Variants in PPM1L observed in about 807,000 individuals in gnomAD.
PPM1L encodes protein phosphatase, Mg2+/Mn2+ dependent 1L.
Under a neutral mutation model 31.4 loss-of-function variants are expected in PPM1L, and 13 were observed. That is an observed-to-expected ratio of 0.41 (90% confidence interval 0.27 to 0.66). PPM1L has a LOEUF of 0.66. Among genes scored for constraint, PPM1L ranks in the 30% least tolerant of loss-of-function variants. The pLI, the probability that PPM1L is intolerant of heterozygous loss-of-function variation, is 0.29. For missense variants in PPM1L, 326 were observed against 453.7 expected (o/e 0.72, Z 2.56); for synonymous variants, 184 against 175.4 (o/e 1.05, Z -0.39).
chr3:160,925,279 G>A (rs1461613043), intron 1 of PPM1L, among the ~76,000 whole-genome samples: 1 of 152,094 alleles, frequency 6.6e-6, no homozygotes, highest in Non-Finnish European at 1.5e-5. Flanking sequence ...TCTCATTCCA[G>A]TTTATACTGC....
intron 1 of PPM1L, among the ~76,000 whole-genome samples, chr3:160,829,925 C>T (rs1483346728): frequency 6.6e-6 from 1 of 152,182 alleles, no homozygotes; most frequent in Non-Finnish European, 1.5e-5. Context: ...GTCCTTCACA[C>T]ATGCTGCACC....
At chr3:160,803,264 C>G (rs1276074635) in intron 1 of PPM1L, among the ~76,000 whole-genome samples, 1 of 152,236 alleles carries the variant, frequency 6.6e-6, no homozygotes, top group African/African-American at 2.4e-5. Context: ...CTAATCTTCT[C>G]TCTTTGACAG....
intron 2 of PPM1L, among the ~76,000 whole-genome samples, chr3:160,986,765 C>G (rs1042487678): frequency 4.6e-5 from 7 of 152,158 alleles, no homozygotes; most frequent in Admixed American, 4.6e-4. Flanking sequence ...TTAATTCATA[C>G]TTCAGAGTCT....
At chr3:160,844,870 GC>G (rs1413568972) in intron 1 of PPM1L, among the ~76,000 whole-genome samples, 1 of 152,014 alleles carries the variant, frequency 6.6e-6, no homozygotes, top group East Asian at 1.9e-4. Context: ...CCAAGCAGAA[GC>G]TTTGTACCCA....
chr3:160,843,469 T>TATATA (rs1713970089), intron 1 of PPM1L, among the ~76,000 whole-genome samples: 32 of 133,808 alleles, frequency 2.4e-4, no homozygotes, highest in Admixed American at 3.8e-4. Flanking sequence ...TATATATATA[T>TATATA]GTTTTTTTTA....
chr3:160,901,087 C>G lies in PPM1L; in HGVS notation c.400-60649C>G, dbSNP rs141226554. Among the ~76,000 whole-genome samples the G allele has an allele frequency of 2.5e-3, 381 of 152,254 alleles. 1 individual carries two copies. Among genetic ancestry groups the G allele is most frequent in the African/African-American group, 8.9e-3 (368 of 41,530 alleles). On this transcript the variant is annotated intron_variant, in intron 1 of 3. Coordinates refer to ENST00000498165, the MANE Select transcript of PPM1L (RefSeq NM_139245.4). The stretch of plus-strand genomic sequence containing the variant: ...ATCCCAGGGCTCGTTCCTCAACTCT[C>G]TTTTCTTCTGTTTACTTGTGTTCTC...
chr3:161,008,564 G>A (rs977226561), intron 2 of PPM1L, among the ~76,000 whole-genome samples: 2 of 152,130 alleles, frequency 1.3e-5, no homozygotes, highest in Admixed American at 6.5e-5. Flanking sequence ...AGCCTTCAGA[G>A]GGCAAAGAAG....
chr3:160,783,059 A>T (rs1450058135), intron 1 of PPM1L, among the ~76,000 whole-genome samples: 1 of 152,124 alleles, frequency 6.6e-6, no homozygotes, highest in Admixed American at 6.5e-5. Flanking sequence ...AACTATAGAA[A>T]TGTACATACT....
chr3:160,954,287 T>C (rs1245343139), intron 1 of PPM1L, among the ~76,000 whole-genome samples: 1 of 152,178 alleles, frequency 6.6e-6, no homozygotes, highest in East Asian at 1.9e-4. Flanking sequence ...TTTATATTAC[T>C]CTGACATAAC....
chr3:160,961,734 A>G lies in PPM1L; in HGVS notation c.400-2A>G. The G allele has an allele frequency of 6.4e-7, 1 of 1,572,740 alleles. No homozygotes were observed. Among genetic ancestry groups the G allele is most frequent in the Non-Finnish European group, 8.6e-7 (1 of 1,165,798 alleles). ...CTCTCTCTCTGACTGTTTTATCTGC[A>G]GACTGCAGCTGAATATGTAAAATCT... On this transcript the variant is annotated splice_acceptor_variant, in intron 1 of 3. Coordinates refer to ENST00000498165, the MANE Select transcript of PPM1L (RefSeq NM_139245.4). LOFTEE classifies it high-confidence loss of function.
At chr3:160,892,598 T>G (rs1713194605) in intron 1 of PPM1L, among the ~76,000 whole-genome samples, 2 of 152,094 alleles carry the variant, frequency 1.3e-5, no homozygotes, top group Admixed American at 6.5e-5. Flanking sequence ...GAATGTGCCT[T>G]CAAACCAAAC....
Position 160,875,070 on chromosome 3 carries a change from C to T in PPM1L, c.400-86666C>T, listed in dbSNP as rs930393195. Among the ~76,000 whole-genome samples, 5 of 152,214 alleles carry T rather than the reference C, an allele frequency of 3.3e-5. No homozygotes were observed. In the East Asian group the frequency reaches 9.6e-4, roughly 29 times the overall value. On this transcript the variant is annotated intron_variant, in intron 1 of 3. Coordinates refer to ENST00000498165, the MANE Select transcript of PPM1L (RefSeq NM_139245.4). ...ATGAACATTGTTATTATTTTAAGCC[C>T]CTTTGCATTCATTTTGCATATATTA...
intron 2 of PPM1L, among the ~76,000 whole-genome samples, chr3:161,038,869 T>C (rs949351174): frequency 2.0e-5 from 3 of 152,060 alleles, no homozygotes; most frequent in South Asian, 4.1e-4. Flanking sequence ...ACAGGAGAGA[T>C]AGGAAGTCAG....
intron 1 of PPM1L, among the ~76,000 whole-genome samples, chr3:160,838,182 T>G (rs1713774664): frequency 6.6e-6 from 1 of 152,222 alleles, no homozygotes; most frequent in Non-Finnish European, 1.5e-5. Flanking sequence ...CTGACTAACT[T>G]CCTTCCATGG....
intron 2 of PPM1L, among the ~76,000 whole-genome samples, chr3:161,026,276 A>G (rs915924066): frequency 3.9e-5 from 6 of 152,228 alleles, no homozygotes; most frequent in African/African-American, 1.2e-4. Flanking sequence ...GTTTCAAAAG[A>G]TAGCTAAGTG....
chr3:160,890,154 G>A (rs1279459510), intron 1 of PPM1L, among the ~76,000 whole-genome samples: 3 of 152,138 alleles, frequency 2.0e-5, no homozygotes, highest in African/African-American at 7.2e-5. Flanking sequence ...AGAGCTATCA[G>A]GCAAGAGAAA....
chr3:160,770,655 C>T (rs1185815881), intron 1 of PPM1L, among the ~76,000 whole-genome samples: 4 of 152,164 alleles, frequency 2.6e-5, no homozygotes, highest in Non-Finnish European at 4.4e-5. Flanking sequence ...TTAGTCTAAA[C>T]AATAGGCAGA....
At chr3:160,906,435 C>G (rs916081282) in intron 1 of PPM1L, among the ~76,000 whole-genome samples, 2 of 152,114 alleles carry the variant, frequency 1.3e-5, no homozygotes, top group Admixed American at 1.3e-4. Context: ...AACCCCATCT[C>G]TACTAAAAAT....
intron 1 of PPM1L, among the ~76,000 whole-genome samples, chr3:160,864,522 C>T (rs2108024480): frequency 6.6e-6 from 1 of 152,280 alleles, no homozygotes; most frequent in Middle Eastern, 3.4e-3. Flanking sequence ...CTAGAAGGAA[C>T]ATGTGAAAGG....
Sources: allele counts gnomAD v4.1 joint callset (sites outside exome capture counted in the v4.1 genomes callset), GRCh38; gene constraint gnomAD v4.1.1; transcripts MANE v1.5; gene names NCBI Gene and HGNC (gene_info 2026-07-23, HGNC 2026-07-21).